SERPINB7: variants seen among roughly 807,000 people sequenced by gnomAD.
SERPINB7 encodes serpin family B member 7.
SERPINB7 carries 31 observed loss-of-function variants against 37.4 expected under a neutral mutation model. The observed-to-expected ratio is 0.83, with a 90% confidence interval of 0.62 to 1.12. SERPINB7 has a LOEUF of 1.12. SERPINB7 is among the 50% of genes most tolerant of loss of function. The probability of loss-of-function intolerance (pLI) is 0.00; values close to 1 mark genes in which losing one functional copy is unlikely to be tolerated. For missense variants in SERPINB7, 521 were observed against 455.3 expected, an observed-to-expected ratio of 1.14 and a Z score of -1.31; for synonymous variants, 163 against 166.1, an observed-to-expected ratio of 0.98 and a Z score of 0.14.
chr18:63,803,282 A>G (rs2049569425), intron 7 of SERPINB7, among the ~76,000 whole-genome samples: 1 of 152,182 alleles, frequency 6.6e-6, no homozygotes, highest in Non-Finnish European at 1.5e-5. Flanking sequence ...TATATTACAG[A>G]TTAACCACAA....
chr18:63,777,802 A>G (rs1243422380), intron 1 of SERPINB7: 1 of 151,924 alleles, frequency 6.6e-6, no homozygotes, highest in Non-Finnish European at 1.5e-5. Context: ...ACCAGCGGCC[A>G]ACTTCCTCTA....
At chr18:63,793,391 A>T in intron 4 of SERPINB7, 114 bp downstream of exon 4, 3 of 537,284 alleles carry the variant, frequency 5.6e-6, no homozygotes, top group South Asian at 6.3e-5. Context: ...TCTCATTGCT[A>T]CTTATTATGT....
Position 63,804,341 on chromosome 18 carries a change from G to T in SERPINB7, c.849G>T (p.Lys283Asn), listed in dbSNP as rs1330631134. 1 of 1,613,678 alleles carries T rather than the reference G, an allele frequency of 6.2e-7. No homozygotes were observed. Among genetic ancestry groups the T allele is most frequent in the South Asian group, 1.1e-5 (1 of 91,062 alleles). ...TTTTTCCTCAGTTCAAGATAGAGAA[G>T]AATTATGAAATGAAACAATATTTGA... ...EVFFPQFKIE[K>N]NYEMKQYLRA... The change falls in exon 8 of 8, where the codon AAG becomes AAT. Residue 283 changes from lysine to asparagine, a missense_variant. Physicochemically the swap from Lys to Asn is moderately conservative, Grantham distance 94. Transcript: ENST00000398019.
chr18:63,789,746 G>C (rs1178993178), intron 2 of SERPINB7, among the ~76,000 whole-genome samples: 1 of 152,194 alleles, frequency 6.6e-6, no homozygotes, highest in African/African-American at 2.4e-5. Flanking sequence ...AAAGATGCAA[G>C]ATTCTCAAAA....
intron 4 of SERPINB7, 64 bp downstream of exon 4, chr18:63,793,341 C>CT: frequency 1.2e-6 from 1 of 842,528 alleles, no homozygotes; most frequent in Non-Finnish European, 1.9e-6. Flanking sequence ...TGAACAAAGG[C>CT]TTGTGTCTTT....
At chr18:63,777,904 AC>A (rs1399468253) in intron 1 of SERPINB7, 16 of 150,054 alleles carry the variant, frequency 1.1e-4, no homozygotes, top group African/African-American at 3.8e-4. Flanking sequence ...ACACACACAC[AC>A]ACACACACAC....
intron 4 of SERPINB7, 27 bp from the exon 5 acceptor site, chr18:63,796,239 A>G (rs1194595401): frequency 7.8e-7 from 1 of 1,286,756 alleles, no homozygotes; most frequent in African/African-American, 1.5e-5. Context: ...TGATTTGTAA[A>G]TACGAGAACT....
chr18:63,762,522 A>C (rs931306014), intron 1 of SERPINB7, among the ~76,000 whole-genome samples: 1 of 152,208 alleles, frequency 6.6e-6, no homozygotes. Flanking sequence ...ATGAGATGAA[A>C]GGAAATGGGA....
rs772723737 is a variant in SERPINB7, at chr18:63,762,574, A to G, written c.-19+9454A>G. Among the ~76,000 whole-genome samples, 176 of 152,332 alleles carry G rather than the reference A, an allele frequency of 1.2e-3. 1 individual carries two copies. The highest frequency in any genetic ancestry group is 3.4e-3 in the Middle Eastern group (1 of 294). On this transcript the variant is annotated intron_variant, in intron 1 of 7. Transcript: ENST00000336429. ...GAGGATTCTAGCTGCAGGCACAGTC[A>G]GGAGAACTGCATATGCCAAGGATCT...
chr18:63,788,795 T>C (rs911079036), intron 2 of SERPINB7, among the ~76,000 whole-genome samples: 1 of 152,244 alleles, frequency 6.6e-6, no homozygotes, highest in East Asian at 1.9e-4. Context: ...ATATTTACCA[T>C]TGTGTTACAA....
At chr18:63,754,012 C>T (rs575999573) in intron 1 of SERPINB7, among the ~76,000 whole-genome samples, 7 of 152,144 alleles carry the variant, frequency 4.6e-5, no homozygotes, top group Non-Finnish European at 2.9e-5. Flanking sequence ...ATTCTAAAAC[C>T]TGTGGCTGAT....
At chr18:63,781,941 C>T (rs1158961875) in intron 1 of SERPINB7, among the ~76,000 whole-genome samples, 2 of 152,120 alleles carry the variant, frequency 1.3e-5, no homozygotes, top group African/African-American at 4.8e-5. Flanking sequence ...TGTTAAACCT[C>T]AAAAATTTAA....
In SERPINB7 at chr18:63,804,702, T is replaced by A; in HGVS notation, c.*67T>A. On this transcript the variant is annotated 3_prime_UTR_variant, in exon 8 of 8. Transcript: ENST00000398019. ...AAGAACCACCACAAGTCAATAGATT[T>A]GAGTTTAATTGGAAAAATGTGGTGT... 6.9e-7 allele frequency: 1 copy of A among 1,440,260 alleles called. No homozygotes were observed. The highest frequency in any genetic ancestry group is 1.4e-5 in the African/African-American group (1 of 69,880). The allele number at this position is 1,440,260 out of a possible 1,614,324, so 89.2% of individuals were successfully genotyped here.
intron 1 of SERPINB7, among the ~76,000 whole-genome samples, chr18:63,755,985 G>A (rs2049119609): frequency 6.6e-6 from 1 of 152,006 alleles, no homozygotes; most frequent in South Asian, 2.1e-4. Flanking sequence ...ATTACAGTGA[G>A]TCAAGAACGG....
intron 7 of SERPINB7, among the ~76,000 whole-genome samples, chr18:63,802,126 C>T (rs1377572217): frequency 1.3e-5 from 2 of 152,154 alleles, no homozygotes; most frequent in African/African-American, 4.8e-5. Flanking sequence ...TGTCAGATTT[C>T]CTACTGTTAT....
At position 63,804,234 on chromosome 18, in the gene SERPINB7, C is replaced by G; in HGVS notation, c.745-3C>G. The G allele has an allele frequency of 6.5e-7, 1 of 1,533,120 alleles. No homozygotes were observed. Among genetic ancestry groups the G allele is most frequent in the Non-Finnish European group, 8.8e-7 (1 of 1,142,718 alleles). 95.0% of individuals were successfully genotyped at this position (1,533,120 alleles called of 1,614,324 possible). A position where few individuals can be genotyped will look rare whatever the true frequency, so the allele number is the denominator to read the frequency against. Reference sequence around the variant, plus strand: ...CTAAATTATCTCTGAATTATTTTTACAGATTGAAAACAAACTGACCTTTCA... The same window carrying G: ...CTAAATTATCTCTGAATTATTTTTAGAGATTGAAAACAAACTGACCTTTCA... On this transcript the variant is annotated splice_region_variant and splice_polypyrimidine_tract_variant and intron_variant, in intron 7 of 7. Coordinates refer to ENST00000398019, the MANE Select transcript of SERPINB7 (RefSeq NM_003784.4).
chr18:63,800,437 T>A (rs2049535295), intron 6 of SERPINB7, among the ~76,000 whole-genome samples: 1 of 152,210 alleles, frequency 6.6e-6, no homozygotes, highest in Admixed American at 6.5e-5. Context: ...GCATTCATTT[T>A]TCATTTTAAT....
chr18:63,804,669 C>T lies in SERPINB7; in HGVS notation c.*34C>T. On this transcript the variant is annotated 3_prime_UTR_variant, in exon 8 of 8. Transcript: ENST00000398019. Reference sequence around the variant, plus strand: ...TTGGTTTCTGTTATAGCAGTCCCCACAACATCAAAGAACCACCACAAGTCA... The same window carrying T: ...TTGGTTTCTGTTATAGCAGTCCCCATAACATCAAAGAACCACCACAAGTCA... 6.5e-7 allele frequency: 1 copy of T among 1,543,138 alleles called. No homozygotes were observed. The highest frequency in any genetic ancestry group is 1.3e-5 in the South Asian group (1 of 79,502).
rs748633287 is a variant in SERPINB7 at position 63,793,207 on chromosome 18, C to T, written c.266C>T (p.Ala89Val). Residue 89 changes from alanine (A) to valine (V), a missense_variant, in exon 4 of 8, where the codon GCA becomes GTA. Coordinates refer to ENST00000398019, the MANE Select transcript of SERPINB7 (RefSeq NM_003784.4). ...QLKRVFSDIN[A>V]SHKDYDLSIV... ...AAAAGAGTTTTTTCTGATATAAATGCATCCCACAAGGATTATGATCTCAGC... is the reference window on the plus strand; with the variant it reads ...AAAAGAGTTTTTTCTGATATAAATGTATCCCACAAGGATTATGATCTCAGC... 6.2e-7 allele frequency: 1 copy of T among 1,605,484 alleles called. No homozygotes were observed. The highest frequency in any genetic ancestry group is 8.5e-7 in the Non-Finnish European group (1 of 1,175,184).
Sources: gnomAD v4.1 joint callset for allele counts (sites outside exome capture counted in the v4.1 genomes callset) on GRCh38, gnomAD v4.1.1 for gene constraint, MANE v1.5 for transcripts, NCBI Gene and HGNC (gene_info 2026-07-23, HGNC 2026-07-21) for gene names.